METTL15: variants seen among roughly 807,000 people sequenced by gnomAD.
METTL15 encodes methyltransferase 15, mitochondrial 12S rRNA N4-cytidine, also known as 12S rRNA N(4)-cytidine methyltransferase METTL15.
METTL15 carries 34 observed loss-of-function variants against 38.3 expected under a neutral mutation model. The ratio of observed to expected loss-of-function variants is 0.89; its 90% CI spans 0.68 to 1.18. The LOEUF is 1.18. Among genes scored for constraint, METTL15 ranks in the 50% most tolerant of loss-of-function variants. METTL15 has a pLI of 0.00. For missense variants in METTL15, 438 were observed against 498.4 expected, an observed-to-expected ratio of 0.88 and a Z score of 1.15; for synonymous variants, 162 against 170.9, an observed-to-expected ratio of 0.95 and a Z score of 0.41.
At position 28,183,676 on chromosome 11, in the gene METTL15, AT is replaced by A. The variant is rs549484308; in HGVS notation, c.271-27382del. Among the ~76,000 whole-genome samples the A allele has an allele frequency of 2.4e-3, 358 of 151,714 alleles. 3 individuals carry two copies. The highest frequency in any genetic ancestry group is 7.8e-3 in the African/African-American group (322 of 41,330). ...TTGGTTTGCCATTTTTTTATTGAGG[AT>A]TTTCGCATTGAAGTTCATCAGGGAT... is the stretch of plus-strand genomic sequence containing the variant. On this transcript the variant is annotated intron_variant, in intron 3 of 6. Transcript: ENST00000407364.
chr11:28,343,621 CTGTT>C (rs1235334003), intron 3 of METTL15, among the ~76,000 whole-genome samples: 3 of 152,184 alleles, frequency 2.0e-5, no homozygotes, highest in East Asian at 1.9e-4. Flanking sequence ...TAAATCTAGT[CTGTT>C]TGACTAAAAC....
At chr11:28,407,451 T>C (rs1850683908) in intron 5 of METTL15, among the ~76,000 whole-genome samples, 1 of 151,992 alleles carries the variant, frequency 6.6e-6, no homozygotes, top group African/African-American at 2.4e-5. Flanking sequence ...GGAAGGAGCT[T>C]AAACAAATTT....
At chr11:28,468,923 G>A (rs935478113) in intron 6 of METTL15, among the ~76,000 whole-genome samples, 1 of 152,182 alleles carries the variant, frequency 6.6e-6, no homozygotes, top group Non-Finnish European at 1.5e-5. Context: ...AATTTGGGGG[G>A]CATAGATGGA....
At chr11:28,159,072 G>A (rs1266281819) in intron 3 of METTL15, among the ~76,000 whole-genome samples, 1 of 152,116 alleles carries the variant, frequency 6.6e-6, no homozygotes, top group Non-Finnish European at 1.5e-5. Context: ...ATTACTTTCT[G>A]CTGGCACAGA....
At chr11:28,451,542 G>A (rs1049288610) in intron 6 of METTL15, among the ~76,000 whole-genome samples, 1 of 151,726 alleles carries the variant, frequency 6.6e-6, no homozygotes, top group African/African-American at 2.4e-5. Context: ...CCAAGATCAC[G>A]CCACTGCACT....
rs1433433784 is a variant in METTL15, at chr11:28,243,642, C to T, written c.407+32444C>T. 2.6e-5 allele frequency among the ~76,000 whole-genome samples: 4 copies of T among 152,066 alleles called. No individual in the cohort carries two copies. The East Asian group carries it at 7.7e-4, about 29-fold the overall frequency. On this transcript the variant is annotated intron_variant, in intron 4 of 6. Coordinates refer to ENST00000407364, the MANE Select transcript of METTL15 (RefSeq NM_001113528.2). The stretch of plus-strand genomic sequence containing the variant: ...CAAATTAAGAGTAGCATTCCAGGAT[C>T]TCCAAGTACATTATGATAGCACTGT...
intron 4 of METTL15, among the ~76,000 whole-genome samples, chr11:28,269,450 T>A (rs970294949): frequency 6.6e-6 from 1 of 152,258 alleles, no homozygotes; most frequent in African/African-American, 2.4e-5. Flanking sequence ...CAAGCTTTTT[T>A]AAAAGTTTCT....
intron 3 of METTL15, among the ~76,000 whole-genome samples, chr11:28,140,181 T>C (rs1219282873): frequency 6.6e-6 from 1 of 152,208 alleles, no homozygotes; most frequent in East Asian, 1.9e-4. Context: ...GGAAATCGCA[T>C]TGTTCTGAAT....
chr11:28,162,496 A>G (rs368762686), intron 3 of METTL15, among the ~76,000 whole-genome samples: 9 of 152,272 alleles, frequency 5.9e-5, no homozygotes, highest in African/African-American at 1.9e-4. Context: ...AATTTTCAAT[A>G]TGCTTTTTAT....
At chr11:28,293,255 G>A (rs553337682) in intron 5 of METTL15, among the ~76,000 whole-genome samples, 184 of 152,322 alleles carry the variant, frequency 1.2e-3, no homozygotes, top group East Asian at 3.9e-3. Context: ...AAGGGATCCA[G>A]TTTCAGCTTT....
At chr11:28,456,466 A>C (rs1005765901) in intron 6 of METTL15, among the ~76,000 whole-genome samples, 10 of 151,168 alleles carry the variant, frequency 6.6e-5, no homozygotes, top group Admixed American at 6.6e-4. Flanking sequence ...TTTTGTTTTG[A>C]GGCAGATCTC....
At chr11:28,195,632 G>C (rs1366506832) in intron 3 of METTL15, among the ~76,000 whole-genome samples, 1 of 151,968 alleles carries the variant, frequency 6.6e-6, no homozygotes, top group African/African-American at 2.4e-5. Context: ...TGCATAGTTT[G>C]CACATATTTT....
At chr11:28,141,775 G>T (rs766537849) in intron 3 of METTL15, among the ~76,000 whole-genome samples, 4 of 152,242 alleles carry the variant, frequency 2.6e-5, no homozygotes, top group Admixed American at 1.3e-4. Flanking sequence ...AACAATGGCT[G>T]GTTATTGCTT....
chr11:28,167,212 CTA>C (rs1850688612), intron 3 of METTL15, among the ~76,000 whole-genome samples: 1 of 152,082 alleles, frequency 6.6e-6, no homozygotes, highest in Non-Finnish European at 1.5e-5. Context: ...TTTTGGGTGA[CTA>C]TGAGTTGGAA....
At chr11:28,313,797 C>A (rs1201514617) in intron 6 of METTL15, among the ~76,000 whole-genome samples, 1 of 151,436 alleles carries the variant, frequency 6.6e-6, no homozygotes, top group Non-Finnish European at 1.5e-5. Context: ...CAAGTGGGAG[C>A]TATTATTAAA....
rs2134064095 is a variant in METTL15 at position 28,330,567 on chromosome 11, T to C, written c.950T>C (p.Val317Ala). 1 of 1,551,648 alleles carries C rather than the reference T, an allele frequency of 6.4e-7. No homozygotes were observed. Residue 317 changes from valine to alanine, a missense_variant, in exon 7 of 7, where the codon GTT becomes GCT. Coordinates refer to ENST00000407364, the MANE Select transcript of METTL15 (RefSeq NM_001113528.2). ...QKFLRPGGRL[V>A]ALSFHSLEDR... ...TTTCTGAGACCTGGTGGTCGTCTTGTTGCCCTCTCCTTCCATTCACTAGAG... is the reference window on the plus strand; with the variant it reads ...TTTCTGAGACCTGGTGGTCGTCTTGCTGCCCTCTCCTTCCATTCACTAGAG...
intron 4 of METTL15, among the ~76,000 whole-genome samples, chr11:28,212,204 A>G (rs1386419636): frequency 6.6e-6 from 1 of 152,078 alleles, no homozygotes; most frequent in Non-Finnish European, 1.5e-5. Context: ...CCATAAAACT[A>G]TAAATAAATA....
chr11:28,139,280 A>G (rs1021777992), intron 3 of METTL15, among the ~76,000 whole-genome samples: 2 of 152,124 alleles, frequency 1.3e-5, no homozygotes, highest in African/African-American at 4.8e-5. Context: ...AATCCCAGTG[A>G]TTCAGGAGGC....
intron 2 of METTL15, among the ~76,000 whole-genome samples, chr11:28,112,676 T>C (rs771058259): frequency 1.6e-4 from 24 of 152,206 alleles, no homozygotes; most frequent in Non-Finnish European, 3.1e-4. Flanking sequence ...GTGTGCTCAG[T>C]TGAGTGTTTA....
Sources: allele counts gnomAD v4.1 joint callset (sites outside exome capture counted in the v4.1 genomes callset), GRCh38; gene constraint gnomAD v4.1.1; transcripts MANE v1.5; gene names NCBI Gene and HGNC (gene_info 2026-07-23, HGNC 2026-07-21).